PRKAR1A: variants seen among roughly 807,000 people sequenced by gnomAD.
The protein encoded by PRKAR1A is protein kinase cAMP-dependent type I regulatory subunit alpha.
Under a neutral mutation model 52.0 loss-of-function variants are expected in PRKAR1A, and 3 were observed. The ratio of observed to expected loss-of-function variants is 0.06; its 90% CI spans 0.03 to 0.15. The LOEUF (loss-of-function observed/expected upper bound fraction) is 0.15. Among genes scored for constraint, PRKAR1A ranks in the 10% least tolerant of loss-of-function variants. The pLI, the probability that PRKAR1A is intolerant of heterozygous loss-of-function variation, is 1.00. For synonymous variants in PRKAR1A, 188 were observed against 168.4 expected, an observed-to-expected ratio of 1.12 and a Z score of -0.90; for missense variants, 240 against 477.4, an observed-to-expected ratio of 0.50 and a Z score of 4.63.
chr17:68,539,337 A>G (rs2086191581), intron 11 of PRKAR1A: 2 of 1,614,046 alleles, frequency 1.2e-6, no homozygotes, highest in African/African-American at 2.7e-5. Flanking sequence ...GAAAACTTAC[A>G]TGCAGCACTG....
chr17:68,475,440 A>G, the PRKAR1A span, among the ~76,000 whole-genome samples: 2 of 152,294 alleles, frequency 1.3e-5, no homozygotes, highest in African/African-American at 4.8e-5. Flanking sequence ...GTATAGCTTC[A>G]TCCTAGCCAT....
intron 11 of PRKAR1A, among the ~76,000 whole-genome samples, chr17:68,550,495 C>T (rs2086788483): frequency 6.7e-6 from 1 of 149,772 alleles, no homozygotes; most frequent in Non-Finnish European, 1.5e-5. Flanking sequence ...ATTCTTCTGC[C>T]TCAGCCTCTC....
rs1329426125 is a variant in PRKAR1A at position 68,528,897 on chromosome 17, C to T, written c.797C>T (p.Thr266Met). Residue 266 changes from threonine to methionine, a missense_variant, in exon 9 of 11, where the codon ACG becomes ATG. Coordinates refer to ENST00000589228, the MANE Select transcript of PRKAR1A (RefSeq NM_002734.5). Reference protein sequence around the residue: ...LESLDKWERLTVADALEPVQF... With the variant: ...LESLDKWERLMVADALEPVQF... ...TCTCTGGACAAGTGGGAACGTCTTA[C>T]GGTAGCTGATGCATTGGAACCAGTG... 3.7e-6 allele frequency: 6 copies of T among 1,613,888 alleles called. No homozygotes were observed. The highest frequency in any genetic ancestry group is 5.1e-6 in the Non-Finnish European group (6 of 1,179,830).
rs1298955100 is a variant in PRKAR1A, at chr17:68,530,694, C to G, written c.*245C>G. The G allele has an allele frequency of 1.4e-6, 2 of 1,407,202 alleles. No individual in the cohort carries two copies. Among genetic ancestry groups the G allele is most frequent in the South Asian group, 1.4e-5 (1 of 69,604 alleles). The allele number at this position is 1,407,202 out of a possible 1,614,324, so 87.2% of individuals were successfully genotyped here. Reference sequence around the variant, plus strand: ...TTTGCTGTTACTGCTTCTCTTTGTGCAGTGTTAGTATTCACCCTGGGCAGT... The same window carrying G: ...TTTGCTGTTACTGCTTCTCTTTGTGGAGTGTTAGTATTCACCCTGGGCAGT... On this transcript the variant is annotated 3_prime_UTR_variant, in exon 11 of 11. Transcript: ENST00000589228.
At chr17:68,535,643 C>T (rs1381373903), downstream of PRKAR1A, 2 of 452,862 alleles carry the variant, frequency 4.4e-6, no homozygotes, top group Non-Finnish European at 8.8e-6. Context: ...TAAGGTTTCT[C>T]TGTTAAAGAG....
At chr17:68,421,832 A>G in the PRKAR1A span, 11 of 1,614,092 alleles carry the variant, frequency 6.8e-6, no homozygotes, top group Non-Finnish European at 9.3e-6. Context: ...TACCAAAATC[A>G]AAACAGAATG....
chr17:68,515,779 CCTGTATGCTAA>C, intron 2 of PRKAR1A: 1 of 656,204 alleles, frequency 1.5e-6, no homozygotes, highest in Non-Finnish European at 2.5e-6. Context: ...GAAAAATGAA[CCTGTATGCTAA>C]CTGTACTTGG....
Position 68,541,010 on chromosome 17 carries a change from C to T in PRKAR1A, c.974-10074C>T, listed in dbSNP as rs140702436. The T allele has an allele frequency of 3.3e-3, 5,115 of 1,549,666 alleles. 139 individuals are homozygous for T. The African/African-American group carries it at 0.06, about 18-fold the overall frequency. Reference sequence around the variant, plus strand: ...TGGAAAAGCCAAGATGGCAGGGTGTCGGGGGTCTCCCCACACCTCCCCCTG... The same window carrying T: ...TGGAAAAGCCAAGATGGCAGGGTGTTGGGGGTCTCCCCACACCTCCCCCTG... On this transcript the variant is annotated intron_variant, in intron 11 of 11. Transcript: ENST00000585981.
At chr17:68,470,363 A>G in the PRKAR1A span, among the ~76,000 whole-genome samples, 1 of 152,234 alleles carries the variant, frequency 6.6e-6, no homozygotes, top group Non-Finnish European at 1.5e-5. Context: ...TACAAGCATG[A>G]GCCACCGTGC....
chr17:68,437,881 C>A, the PRKAR1A span, among the ~76,000 whole-genome samples: 2 of 141,340 alleles, frequency 1.4e-5, no homozygotes, highest in Middle Eastern at 3.8e-3. Context: ...GCAGTGAATT[C>A]CAGCAATTCC....
At chr17:68,449,390 G>A in the PRKAR1A span, among the ~76,000 whole-genome samples, 1 of 152,156 alleles carries the variant, frequency 6.6e-6, no homozygotes, top group Non-Finnish European at 1.5e-5. Flanking sequence ...AGCACTCTGC[G>A]AGGCCAAGGA....
At chr17:68,491,995 G>A in the PRKAR1A span, among the ~76,000 whole-genome samples, 4 of 152,214 alleles carry the variant, frequency 2.6e-5, no homozygotes, top group Non-Finnish European at 5.9e-5. Context: ...CAGGGGAAGG[G>A]TTGGAGGTCA....
At chr17:68,464,681 C>G in the PRKAR1A span, among the ~76,000 whole-genome samples, 1 of 120,584 alleles carries the variant, frequency 8.3e-6, no homozygotes, top group Non-Finnish European at 1.7e-5. Context: ...AAGCGAGACT[C>G]TGTCTCAAAA....
the PRKAR1A span, among the ~76,000 whole-genome samples, chr17:68,503,637 A>G: frequency 6.6e-6 from 1 of 152,250 alleles, no homozygotes; most frequent in African/African-American, 2.4e-5. Flanking sequence ...TGCAAAAAGC[A>G]AACATATGGA....
intron 1 of PRKAR1A, among the ~76,000 whole-genome samples, chr17:68,513,789 T>G (rs1455138741): frequency 1.3e-5 from 2 of 152,212 alleles, no homozygotes; most frequent in Admixed American, 1.3e-4. Context: ...TCGTAATACA[T>G]TAGTTGTTTC....
At chr17:68,478,728 G>GTTTTTT in the PRKAR1A span, among the ~76,000 whole-genome samples, 2 of 91,832 alleles carry the variant, frequency 2.2e-5, no homozygotes, top group Non-Finnish European at 4.4e-5. Flanking sequence ...ATGTTGGACA[G>GTTTTTT]TTTTGTTTTT....
the PRKAR1A span, among the ~76,000 whole-genome samples, chr17:68,476,977 T>C: frequency 6.6e-6 from 1 of 152,140 alleles, no homozygotes; most frequent in Non-Finnish European, 1.5e-5. Flanking sequence ...CTACTTTTAA[T>C]GTCTGTTTTG....
the PRKAR1A span, among the ~76,000 whole-genome samples, chr17:68,464,289 T>C: frequency 6.6e-6 from 1 of 152,220 alleles, no homozygotes; most frequent in Non-Finnish European, 1.5e-5. Context: ...ACACATCCAT[T>C]CCTGACCTGA....
chr17:68,532,195 TTTATA>T lies in PRKAR1A; in HGVS notation c.*1749_*1753del. On this transcript the variant is annotated 3_prime_UTR_variant, in exon 11 of 11. Transcript: ENST00000589228. ...TCTGTACTTTGTGTTTAGCTACCTT[TTTATA>T]TTTAAAAAATTAAAAATGAAAATTA... The T allele has an allele frequency of 9.6e-7, 1 of 1,038,990 alleles. No individual in the cohort carries two copies. The highest frequency in any genetic ancestry group is 1.2e-6 in the Non-Finnish European group (1 of 855,366). The allele number at this position is 1,038,990 out of a possible 1,614,324, so 64.4% of individuals were successfully genotyped here.
Sources: gnomAD v4.1 joint callset for allele counts (sites outside exome capture counted in the v4.1 genomes callset) on GRCh38, gnomAD v4.1.1 for gene constraint, MANE v1.5 for transcripts, NCBI Gene and HGNC (gene_info 2026-07-23, HGNC 2026-07-21) for gene names.